PEX7: variants seen among roughly 807,000 people sequenced by gnomAD.
PEX7 encodes the protein peroxisomal biogenesis factor 7, also known as PTS2 receptor.
Under a neutral mutation model 47.5 loss-of-function variants are expected in PEX7, and 34 were observed. That is an observed-to-expected ratio of 0.72 (90% confidence interval 0.54 to 0.95). The LOEUF (loss-of-function observed/expected upper bound fraction) is 0.95. Ranked by LOEUF, PEX7 falls within the 40% of genes least tolerant of loss-of-function variation. The pLI is 0.00. For synonymous variants in PEX7, 141 were observed against 148.8 expected, an observed-to-expected ratio of 0.95 and a Z score of 0.38; for missense variants, 394 against 400.3, an observed-to-expected ratio of 0.98 and a Z score of 0.13.
At chr6:136,857,832 T>C (rs957661180) in intron 5 of PEX7, among the ~76,000 whole-genome samples, 1 of 151,570 alleles carries the variant, frequency 6.6e-6, no homozygotes, top group African/African-American at 2.4e-5. Flanking sequence ...GCATTACCTC[T>C]TTTTTTTTGA....
intron 7 of PEX7, among the ~76,000 whole-genome samples, chr6:136,870,340 G>A (rs1675945735): frequency 6.6e-6 from 1 of 151,920 alleles, no homozygotes; most frequent in South Asian, 2.1e-4. Context: ...TTTCTAATTA[G>A]CGAGAGTCTC....
intron 3 of PEX7, chr6:136,829,999 T>C (rs201395771): frequency 5.6e-4 from 396 of 705,422 alleles, no homozygotes; most frequent in Non-Finnish European, 8.8e-4. Flanking sequence ...TTTTTTTTTT[T>C]CCACCAGTAT....
At chr6:136,878,669 A>G (rs1398397580) in intron 8 of PEX7, among the ~76,000 whole-genome samples, 3 of 152,106 alleles carry the variant, frequency 2.0e-5, no homozygotes, top group African/African-American at 7.2e-5. Flanking sequence ...ATTTTGTTCT[A>G]GGTATGTTTT....
intron 8 of PEX7, among the ~76,000 whole-genome samples, chr6:136,881,000 G>A (rs1236292506): frequency 6.6e-6 from 1 of 152,136 alleles, no homozygotes; most frequent in Non-Finnish European, 1.5e-5. Context: ...GGGAACTAAC[G>A]AATGGCAACA....
intron 3 of PEX7, among the ~76,000 whole-genome samples, chr6:136,843,677 TCAG>T (rs1478366510): frequency 6.6e-6 from 1 of 152,228 alleles, no homozygotes; most frequent in Non-Finnish European, 1.5e-5. Context: ...CTCAAGATCT[TCAG>T]TGATTGCTTC....
At chr6:136,856,539 A>AT (rs1205835056) in intron 5 of PEX7, among the ~76,000 whole-genome samples, 3 of 152,140 alleles carry the variant, frequency 2.0e-5, no homozygotes, top group Admixed American at 6.6e-5. Context: ...AAAGTGAAAG[A>AT]TTCCTTCTCA....
intron 9 of PEX7, among the ~76,000 whole-genome samples, chr6:136,909,398 C>A (rs75626586): frequency 0.03 from 4,591 of 152,218 alleles, 240 homozygotes; most frequent in African/African-American, 0.1. Context: ...TAATTGGATG[C>A]TTTTTATTAT....
chr6:136,890,891 G>A (rs1775541689), intron 8 of PEX7, among the ~76,000 whole-genome samples: 2 of 152,200 alleles, frequency 1.3e-5, no homozygotes, highest in African/African-American at 2.4e-5. Flanking sequence ...TACCAGTTAC[G>A]CTTCAGATGT....
chr6:136,899,599 C>T (rs1775717225), intron 9 of PEX7, among the ~76,000 whole-genome samples: 1 of 151,944 alleles, frequency 6.6e-6, no homozygotes, highest in Non-Finnish European at 1.5e-5. Flanking sequence ...AGGCTGGTCT[C>T]GAACTCCTGA....
At chr6:136,864,981 T>A (rs1260887684) in intron 5 of PEX7, among the ~76,000 whole-genome samples, 1 of 152,212 alleles carries the variant, frequency 6.6e-6, no homozygotes, top group East Asian at 1.9e-4. Context: ...GTTGTTTATA[T>A]TTTACTTTTG....
At chr6:136,868,602 C>T (rs1222992178) in intron 6 of PEX7, among the ~76,000 whole-genome samples, 2 of 151,878 alleles carry the variant, frequency 1.3e-5, no homozygotes, top group Admixed American at 1.3e-4. Context: ...GAGTGATTTA[C>T]AAAAATTATT....
rs576899566 is a variant in PEX7 at position 136,876,835 on chromosome 6, A to T, written c.803+4582A>T. Among the ~76,000 whole-genome samples the T allele has an allele frequency of 9.2e-5, 14 of 152,276 alleles. No homozygotes were observed. In the East Asian group the frequency reaches 2.7e-3, roughly 29 times the overall value. ...TGTCTTTATTGTAGAATGATTTATA[A>T]TCCTTTGGGTATATACCCAGTAATG... On this transcript the variant is annotated intron_variant, in intron 8 of 9. Coordinates refer to ENST00000318471, the MANE Select transcript of PEX7 (RefSeq NM_000288.4).
At chr6:136,908,332 T>A (rs527456079) in intron 9 of PEX7, among the ~76,000 whole-genome samples, 2 of 152,310 alleles carry the variant, frequency 1.3e-5, no homozygotes, top group East Asian at 3.9e-4. Context: ...TCTTACCCTA[T>A]TAGTTTAGTT....
chr6:136,886,772 G>T lies in PEX7; in HGVS notation c.804-11370G>T, dbSNP rs527424027. On this transcript the variant is annotated intron_variant, in intron 8 of 9. Transcript: ENST00000318471. ...TTGATTCAAATCTGTTACCAGAGGGGCTGGGCACAGTGGCTTATGCTTGTA... is the reference window on the plus strand; with the variant it reads ...TTGATTCAAATCTGTTACCAGAGGGTCTGGGCACAGTGGCTTATGCTTGTA... 2.0e-5 allele frequency among the ~76,000 whole-genome samples: 3 copies of T among 152,264 alleles called. No homozygotes were observed. The South Asian group carries it at 6.2e-4, about 32-fold the overall frequency.
At chr6:136,868,103 A>C (rs553447174) in intron 6 of PEX7, among the ~76,000 whole-genome samples, 163 of 152,346 alleles carry the variant, frequency 1.1e-3, no homozygotes, top group African/African-American at 3.8e-3. Flanking sequence ...TACAGTATTC[A>C]GTACAGTAAC....
chr6:136,848,274 C>G (rs913876064), intron 5 of PEX7, among the ~76,000 whole-genome samples: 13 of 152,190 alleles, frequency 8.5e-5, no homozygotes, highest in Admixed American at 5.2e-4. Flanking sequence ...AATACACAAT[C>G]ATGTCATCTG....
intron 8 of PEX7, among the ~76,000 whole-genome samples, chr6:136,881,860 G>C (rs1046542554): frequency 2.6e-5 from 4 of 152,204 alleles, no homozygotes; most frequent in African/African-American, 9.7e-5. Context: ...TGCCCCTGGG[G>C]AGGGAGGTGG....
At chr6:136,898,374 C>A in intron 9 of PEX7, 133 bp downstream of exon 9, 1 of 700,924 alleles carries the variant, frequency 1.4e-6, no homozygotes, top group African/African-American at 1.8e-5. Flanking sequence ...CATTAAACTA[C>A]TAGGGAATAA....
chr6:136,829,946 T>C, intron 3 of PEX7: 1 of 695,806 alleles, frequency 1.4e-6, no homozygotes, highest in Non-Finnish European at 2.6e-6. Flanking sequence ...TAAAAGAAAG[T>C]TATTAAAAAA....
Sources: allele counts gnomAD v4.1 joint callset (sites outside exome capture counted in the v4.1 genomes callset), GRCh38; gene constraint gnomAD v4.1.1; transcripts MANE v1.5; gene names NCBI Gene and HGNC (gene_info 2026-07-23, HGNC 2026-07-21).